The following DNAH6 variants were observed in gnomAD, a reference collection of about 807,000 sequenced individuals.
The protein encoded by DNAH6 is axonemal beta dynein heavy chain 6.
In DNAH6, 340 loss-of-function variants were observed where a neutral mutation model predicts 491.4. The observed-to-expected ratio is 0.69, with a 90% CI of 0.63 to 0.76. DNAH6 has a LOEUF of 0.76. Among genes scored for constraint, DNAH6 ranks in the 30% least tolerant of loss-of-function variants. DNAH6 has a pLI of 0.00. For missense variants in DNAH6, 4,443 were observed against 4,972.2 expected, an observed-to-expected ratio of 0.89 and a Z score of 3.20; for synonymous variants, 1,603 against 1,686.1, an observed-to-expected ratio of 0.95 and a Z score of 1.21.
intron 72 of DNAH6, among the ~76,000 whole-genome samples, chr2:84,809,606 A>AC (rs1281914934): frequency 6.6e-6 from 1 of 151,810 alleles, no homozygotes. Flanking sequence ...TATGATAAAG[A>AC]CCCCCATAAC....
Position 84,579,507 on chromosome 2 carries a change from A to G in DNAH6, c.2077-20A>G, listed in dbSNP as rs2103996076. 3.7e-6 allele frequency: 6 copies of G among 1,611,860 alleles called. No individual in the cohort carries two copies. The highest frequency in any genetic ancestry group is 5.1e-6 in the Non-Finnish European group (6 of 1,178,644). ...GAAAATATTCGACTATTTACAATTC[A>G]CACGGTGTTTCTTTCTTAGGTGCTA... On this transcript the variant is annotated intron_variant, in intron 13 of 76. Transcript: ENST00000389394.
Position 84,560,189 on chromosome 2 carries a change from GA to G in DNAH6, c.1803+2258del, listed in dbSNP as rs201807222. The stretch of plus-strand genomic sequence containing the variant: ...TTGAAAGGGCCTACAGAGTTTCTTG[GA>G]AAATTACCCACAACAATCAACTCTA... On this transcript the variant is annotated intron_variant, in intron 11 of 76. Coordinates refer to ENST00000389394, the MANE Select transcript of DNAH6 (RefSeq NM_001370.2). Among the ~76,000 whole-genome samples, 1,467 of 152,146 alleles carry G rather than the reference GA, an allele frequency of 9.6e-3. 25 individuals carry two copies. Among genetic ancestry groups the G allele is most frequent in the African/African-American group, 0.034 (1,396 of 41,534 alleles).
intron 19 of DNAH6, among the ~76,000 whole-genome samples, 190 bp from the exon 20 acceptor site, chr2:84,605,310 A>G (rs1685651421): frequency 1.4e-5 from 2 of 147,836 alleles, no homozygotes; most frequent in African/African-American, 5.1e-5. Flanking sequence ...CCGAGGTTAC[A>G]CCACCGCACT....
At chr2:84,807,944 T>C (rs1221332315) in intron 71 of DNAH6, among the ~76,000 whole-genome samples, 1 of 152,064 alleles carries the variant, frequency 6.6e-6, no homozygotes, top group Non-Finnish European at 1.5e-5. Context: ...CAGTCCTCCT[T>C]CTACATTAGC....
At chr2:84,630,906 G>A (rs1156265396) in intron 29 of DNAH6, among the ~76,000 whole-genome samples, 1 of 152,032 alleles carries the variant, frequency 6.6e-6, no homozygotes, top group Non-Finnish European at 1.5e-5. Flanking sequence ...TAAGCTGGGT[G>A]GCATATACCT....
At chr2:84,713,035 T>C in intron 56 of DNAH6, 60 bp from the exon 57 acceptor site, 1 of 1,445,590 alleles carries the variant, frequency 6.9e-7, no homozygotes, top group South Asian at 1.3e-5. Flanking sequence ...TTTGTGAAGT[T>C]CATGCTATCC....
At position 84,722,757 on chromosome 2, in the gene DNAH6, T is replaced by C. The variant is rs1328561225; in HGVS notation, c.9925T>C (p.Ser3309Pro). The change falls in exon 60 of 77, where the codon TCA becomes CCA. Residue 3309 changes from serine to proline, a missense_variant. By Grantham distance (74) the Ser-to-Pro change is moderately conservative. Coordinates refer to ENST00000389394, the MANE Select transcript of DNAH6 (RefSeq NM_001370.2). ...SVMYFVIASL[S>P]EIDPMYQYSL... ...AATGTACTTTGTCATTGCAAGCCTC[T>C]CAGAAATAGATCCTATGTACCAGTA... The C allele has an allele frequency of 6.5e-7, 1 of 1,536,938 alleles. No individual in the cohort carries two copies. Among genetic ancestry groups the C allele is most frequent in the Non-Finnish European group, 8.8e-7 (1 of 1,142,728 alleles).
chr2:84,666,596 T>G (rs4832105), intron 37 of DNAH6, among the ~76,000 whole-genome samples: 10 of 151,930 alleles, frequency 6.6e-5, no homozygotes, highest in African/African-American at 9.7e-5. Context: ...CTCAACAAAA[T>G]AAAAGATGAC....
chr2:84,626,795 G>T (rs776499351), intron 29 of DNAH6, among the ~76,000 whole-genome samples: 5 of 152,108 alleles, frequency 3.3e-5, no homozygotes, highest in East Asian at 1.9e-4. Flanking sequence ...GGAGATGGGG[G>T]TTTCACCATC....
chr2:84,699,941 G>A (rs183633623), intron 48 of DNAH6, among the ~76,000 whole-genome samples: 13 of 147,074 alleles, frequency 8.8e-5, no homozygotes, highest in African/African-American at 3.2e-4. Context: ...TTAGCAATGT[G>A]GAAGTTATCA....
intron 63 of DNAH6, among the ~76,000 whole-genome samples, chr2:84,761,847 G>A (rs768161994): frequency 1.6e-4 from 24 of 151,572 alleles, no homozygotes; most frequent in Non-Finnish European, 1.8e-4. Context: ...TGGACAGAAC[G>A]GTGTTGATAG....
chr2:84,487,745 A>T, the DNAH6 span, among the ~76,000 whole-genome samples: 2 of 152,228 alleles, frequency 1.3e-5, no homozygotes, highest in Non-Finnish European at 2.9e-5. Flanking sequence ...ATTTGGGCCC[A>T]CTGGTGGAAG....
chr2:84,579,378 C>CAGTG (rs752440426), intron 13 of DNAH6, 149 bp from the exon 14 acceptor site: 4 of 809,342 alleles, frequency 4.9e-6, no homozygotes, highest in Non-Finnish European at 7.6e-6. Context: ...ATTTAACTAG[C>CAGTG]AGTGATTTAA....
chr2:84,673,505 AG>A (rs1167473978), intron 40 of DNAH6, among the ~76,000 whole-genome samples: 2 of 152,236 alleles, frequency 1.3e-5, no homozygotes, highest in African/African-American at 4.8e-5. Context: ...TGTGTTAGTC[AG>A]GGTTCTCTAG....
Position 84,703,431 on chromosome 2 carries a change from C to T in DNAH6, c.8098C>T (p.Leu2700=). The T allele has an allele frequency of 6.5e-7, 1 of 1,545,572 alleles. No individual in the cohort carries two copies. Among genetic ancestry groups the T allele is most frequent in the South Asian group, 1.2e-5 (1 of 82,976 alleles). ...GGTGAAGAATGGTCTCACCAAGCTA[C>T]TAGAAACAAACATACTAGTAGATAA... ...DRVKNGLTKL[L]ETNILVDKMK... The change falls in exon 50 of 77, where the codon CTA becomes TTA. Residue 2700 remains leucine, a synonymous_variant. Coordinates refer to ENST00000389394, the MANE Select transcript of DNAH6 (RefSeq NM_001370.2).
intron 2 of DNAH6, among the ~76,000 whole-genome samples, chr2:84,523,958 A>G (rs983917070): frequency 6.6e-6 from 1 of 152,094 alleles, no homozygotes; most frequent in African/African-American, 2.4e-5. Flanking sequence ...GAGGTCTATC[A>G]TATTCATTTG....
At chr2:84,531,030 G>A (rs570217610) in intron 4 of DNAH6, among the ~76,000 whole-genome samples, 5 of 152,196 alleles carry the variant, frequency 3.3e-5, no homozygotes, top group Admixed American at 1.3e-4. Context: ...AGGAAGACAC[G>A]AGACATCAAT....
At chr2:84,775,952 CA>C (rs1317877997) in intron 64 of DNAH6, among the ~76,000 whole-genome samples, 1 of 152,028 alleles carries the variant, frequency 6.6e-6, no homozygotes, top group Non-Finnish European at 1.5e-5. Flanking sequence ...TTTATCCTTT[CA>C]AAAAACAAAC....
chr2:84,560,199 C>G (rs866555021), intron 11 of DNAH6, among the ~76,000 whole-genome samples: 1 of 152,022 alleles, frequency 6.6e-6, no homozygotes, highest in Non-Finnish European at 1.5e-5. Flanking sequence ...GAAAATTACC[C>G]ACAACAATCA....
Sources: allele counts gnomAD v4.1 joint callset (sites outside exome capture counted in the v4.1 genomes callset), GRCh38; gene constraint gnomAD v4.1.1; transcripts MANE v1.5; gene names NCBI Gene and HGNC (gene_info 2026-07-23, HGNC 2026-07-21).